Variants in ORC6 observed in about 807,000 individuals in gnomAD.
The protein encoded by ORC6 is origin recognition complex, subunit 6 homolog-like (yeast).
Under a neutral mutation model 30.0 loss-of-function variants are expected in ORC6, and 31 were observed. That is an observed-to-expected ratio of 1.03 (90% CI 0.78 to 1.40). ORC6 has a LOEUF of 1.40. Ranked by LOEUF, ORC6 falls within the 40% of genes most tolerant of loss-of-function variation. ORC6 has a pLI of 0.00. For missense variants in ORC6, 340 were observed against 304.3 expected (o/e 1.12, Z -0.87); for synonymous variants, 136 against 111.2 (o/e 1.22, Z -1.40).
intron 4 of ORC6, chr16:46,693,497 T>C (rs935676730): frequency 4.9e-6 from 2 of 411,954 alleles, no homozygotes; most frequent in Non-Finnish European, 9.0e-6. Flanking sequence ...TTTCTGCTCA[T>C]ATTTTTTAAA....
intron 1 of ORC6, 98 bp downstream of exon 1, chr16:46,689,868 G>A (rs1311661211): frequency 1.4e-6 from 2 of 1,444,690 alleles, no homozygotes; most frequent in African/African-American, 1.5e-5. Context: ...GGCGGCGGGG[G>A]AGTGACGGGG....
At chr16:46,690,213 GAAAC>G (rs1188088667) in intron 1 of ORC6, among the ~76,000 whole-genome samples, 2 of 152,208 alleles carry the variant, frequency 1.3e-5, no homozygotes, top group Admixed American at 1.3e-4. Context: ...TTAACACAAA[GAAAC>G]AAACAAAACT....
chr16:46,694,904 C>T (rs1393264190), intron 4 of ORC6: 1 of 151,738 alleles, frequency 6.6e-6, no homozygotes, highest in Non-Finnish European at 1.5e-5. Flanking sequence ...TTCTCACTAC[C>T]TACCCACTAA....
chr16:46,693,326 A>G (rs1596734955), intron 4 of ORC6, 144 bp downstream of exon 4: 8 of 666,160 alleles, frequency 1.2e-5, no homozygotes, highest in Middle Eastern at 6.0e-4. Flanking sequence ...CCAAGTGACT[A>G]TATTCCCAGT....
chr16:46,694,315 G>A (rs1252662609), intron 4 of ORC6: 4 of 123,696 alleles, frequency 3.2e-5, no homozygotes, highest in Non-Finnish European at 5.2e-5. Flanking sequence ...CACCTTTCCC[G>A]CCTTTCTATT....
rs1409072505 is a variant in ORC6 at position 46,698,162 on chromosome 16, T to C, written c.*577T>C. 9.3e-6 allele frequency: 4 copies of C among 429,298 alleles called. No individual in the cohort carries two copies. Among genetic ancestry groups the C allele is most frequent in the Non-Finnish European group, 1.4e-5 (3 of 214,714 alleles). 26.6% of individuals were successfully genotyped at this position (429,298 alleles called of 1,614,324 possible). A position where few individuals can be genotyped will look rare whatever the true frequency, so the allele number is the denominator to read the frequency against. On this transcript the variant is annotated 3_prime_UTR_variant, in exon 7 of 7. Coordinates refer to ENST00000219097, the MANE Select transcript of ORC6 (RefSeq NM_014321.4). ...AGCCTGGGTGACAGAGCGAGACTTA[T>C]AGATAGATAGATAGATAGATGGATA...
At chr16:46,693,701 CG>C (rs2143010707) in intron 4 of ORC6, 1 of 161,454 alleles carries the variant, frequency 6.2e-6, no homozygotes, top group South Asian at 1.7e-4. Context: ...CTCAGCTACT[CG>C]GGAGGCTGAA....
chr16:46,692,862 C>T (rs1356965264), intron 3 of ORC6, among the ~76,000 whole-genome samples: 2 of 140,620 alleles, frequency 1.4e-5, no homozygotes, highest in African/African-American at 5.4e-5. Context: ...AGCAAGACTC[C>T]GTCTTGGGGC....
rs748431795 is a variant in ORC6, at chr16:46,695,632, C to T, written c.520C>T (p.Arg174Ter). ...TSGVKKAIFD[R>*]LCKQLEKIGQ... is the part of the protein sequence containing the mutation. ...CGGTGTAAAAAAAGCTATATTTGAT[C>T]GACTGTGTAAACAACTAGAGAAGAT... The change falls in exon 5 of 7, where the codon CGA becomes TGA. Residue 174 changes from arginine to a stop codon, truncating the protein, a stop_gained. Transcript: ENST00000219097. LOFTEE classifies it high-confidence loss of function. The T allele has an allele frequency of 5.6e-6, 9 of 1,613,364 alleles. No individual in the cohort carries two copies. Among genetic ancestry groups the T allele is most frequent in the Non-Finnish European group, 7.6e-6 (9 of 1,179,392 alleles).
intron 3 of ORC6, 127 bp downstream of exon 3, chr16:46,692,672 A>G (rs570509798): frequency 2.6e-6 from 2 of 774,814 alleles, no homozygotes; most frequent in Non-Finnish European, 4.4e-6. Context: ...GTTCAAGACC[A>G]GCCTGGCCAA....
rs368055096 is a variant in ORC6 at position 46,698,225 on chromosome 16, G to A, written c.*640G>A. The A allele has an allele frequency of 1.7e-4, 72 of 414,394 alleles. No homozygotes were observed. Among genetic ancestry groups the A allele is most frequent in the African/African-American group, 1.5e-3 (55 of 37,436 alleles). 25.7% of individuals were successfully genotyped at this position (414,394 alleles called of 1,614,324 possible). ...GATAGATAGATAGATAAACGGAATT[G>A]GAGCCATTTTGCTTTAAGTGAATGG... On this transcript the variant is annotated 3_prime_UTR_variant, in exon 7 of 7. Transcript: ENST00000219097.
intron 1 of ORC6, 195 bp downstream of exon 1, chr16:46,689,965 G>C: frequency 1.4e-6 from 1 of 721,166 alleles, no homozygotes. Context: ...AAGGGCGATA[G>C]CAAACGGCGA....
intron 4 of ORC6, among the ~76,000 whole-genome samples, chr16:46,694,691 A>C (rs1004902974): frequency 6.6e-6 from 1 of 151,972 alleles, no homozygotes; most frequent in Admixed American, 6.6e-5. Context: ...ACTGGCTACA[A>C]CTGTTCTTCA....
intron 5 of ORC6, 90 bp from the exon 6 acceptor site, chr16:46,695,927 A>ACT: frequency 1.0e-6 from 1 of 957,502 alleles, no homozygotes; most frequent in Non-Finnish European, 1.7e-6. Flanking sequence ...TGATCAGTTA[A>ACT]GATGTCTAAT....
At position 46,695,661 on chromosome 16, in the gene ORC6, A is replaced by G; in HGVS notation, c.549A>G (p.Gly183=). ...TGTGTAAACAACTAGAGAAGATTGGACAGCAGGTCGACAGTAAGTATTCTG... is the reference window on the plus strand; with the variant it reads ...TGTGTAAACAACTAGAGAAGATTGGGCAGCAGGTCGACAGTAAGTATTCTG... ...DRLCKQLEKI[G]QQVDREPGDV... Residue 183 remains glycine (G), a synonymous_variant, in exon 5 of 7, where the codon GGA becomes GGG. Coordinates refer to ENST00000219097, the MANE Select transcript of ORC6 (RefSeq NM_014321.4). 1.2e-6 allele frequency: 2 copies of G among 1,601,252 alleles called. No homozygotes were observed. The highest frequency in any genetic ancestry group is 2.2e-5 in the East Asian group (1 of 44,790).
chr16:46,694,631 G>GGGT (rs1423583683), intron 4 of ORC6: 1 of 146,414 alleles, frequency 6.8e-6, no homozygotes, highest in Non-Finnish European at 1.5e-5. Flanking sequence ...GGCTGGCCGG[G>GGGT]CGGGGGGCTG....
rs1323059341 is a variant in ORC6 at position 46,692,302 on chromosome 16, T to C, written c.196-80T>C. 1.0e-5 allele frequency: 12 copies of C among 1,189,576 alleles called. No individual in the cohort carries two copies. In the East Asian group the frequency reaches 2.8e-4, roughly 28 times the overall value. The allele number at this position is 1,189,576 out of a possible 1,614,324, so 73.7% of individuals were successfully genotyped here. A position where few individuals can be genotyped will look rare whatever the true frequency, so the allele number is the denominator to read the frequency against. On this transcript the variant is annotated intron_variant, in intron 2 of 6. Transcript: ENST00000219097. ...AATTAATTTTGAAAAGTTATACTGC[T>C]TATTAAACAAGTGTTTAAGGGTACT... is the stretch of plus-strand genomic sequence containing the variant.
In ORC6 at chr16:46,691,010, C is replaced by G; in HGVS notation, c.85C>G (p.Arg29Gly). The G allele has an allele frequency of 5.0e-6, 8 of 1,614,174 alleles. No individual in the cohort carries two copies. The highest frequency in any genetic ancestry group is 5.9e-6 in the Non-Finnish European group (7 of 1,180,008). Residue 29 changes from arginine (R) to glycine (G), a missense_variant, in exon 2 of 7, where the codon CGC becomes GGC. Physicochemically the swap from Arg to Gly is moderately radical, Grantham distance 125. Coordinates refer to ENST00000219097, the MANE Select transcript of ORC6 (RefSeq NM_014321.4). The part of the protein sequence containing the change: ...DMLRKAEEYL[R>G]LSRVKCVGLS... ...AACCAGGAAAGCAGAGGAGTACTTGCGCCTGTCCCGGGTGAAGTGTGTCGG... is the reference window on the plus strand; with the variant it reads ...AACCAGGAAAGCAGAGGAGTACTTGGGCCTGTCCCGGGTGAAGTGTGTCGG...
rs1567276049 is a variant in ORC6 at position 46,698,171 on chromosome 16, A to AGATG, written c.*589_*590insGGAT. ...GACAGAGCGAGACTTATAGATAGATAGATAGATAGATGGATAGATAGATAG... is the reference window on the plus strand; with the variant it reads ...GACAGAGCGAGACTTATAGATAGATAGATGGATAGATAGATGGATAGATAGATAG... On this transcript the variant is annotated 3_prime_UTR_variant, in exon 7 of 7. Transcript: ENST00000219097. 2 of 425,388 alleles carry AGATG rather than the reference A, an allele frequency of 4.7e-6. No homozygotes were observed. Among genetic ancestry groups the AGATG allele is most frequent in the African/African-American group, 4.6e-5 (2 of 43,076 alleles). 26.4% of individuals were successfully genotyped at this position (425,388 alleles called of 1,614,324 possible). A position where few individuals can be genotyped will look rare whatever the true frequency, so the allele number is the denominator to read the frequency against.
Sources: gnomAD v4.1 joint callset for allele counts (sites outside exome capture counted in the v4.1 genomes callset) on GRCh38, gnomAD v4.1.1 for gene constraint, MANE v1.5 for transcripts, NCBI Gene and HGNC (gene_info 2026-07-23, HGNC 2026-07-21) for gene names.